ZNHIT6: variants seen among roughly 807,000 people sequenced by gnomAD.
The protein encoded by ZNHIT6 is box C/D snoRNA protein 1.
Under a neutral mutation model 57.2 loss-of-function variants are expected in ZNHIT6, and 45 were observed. The ratio of observed to expected loss-of-function variants is 0.79; its 90% CI spans 0.62 to 1.01. The LOEUF (loss-of-function observed/expected upper bound fraction) is 1.01. Among genes scored for constraint, ZNHIT6 ranks in the 50% least tolerant of loss-of-function variants. The pLI is 0.00. For missense variants in ZNHIT6, 528 were observed against 567.3 expected (o/e 0.93, Z 0.70); for synonymous variants, 188 against 190.0 (o/e 0.99, Z 0.09).
At chr1:85,680,757 G>T in intron 6 of ZNHIT6, 79 bp downstream of exon 6, 4 of 1,070,754 alleles carry the variant, frequency 3.7e-6, no homozygotes, top group Middle Eastern at 2.1e-4. Flanking sequence ...TTCTACTACT[G>T]ACATTAAGTT....
chr1:85,672,145 C>T (rs1219099382), intron 8 of ZNHIT6, among the ~76,000 whole-genome samples: 1 of 152,152 alleles, frequency 6.6e-6, no homozygotes, highest in Non-Finnish European at 1.5e-5. Context: ...GATGCCACCC[C>T]TACATGAAAC....
At chr1:85,703,674 G>A (rs1662601625) in intron 4 of ZNHIT6, among the ~76,000 whole-genome samples, 1 of 152,120 alleles carries the variant, frequency 6.6e-6, no homozygotes, top group African/African-American at 2.4e-5. Flanking sequence ...ACAGTATAAA[G>A]CTTTTAGGCA....
At chr1:85,676,642 A>C (rs1017094567) in intron 8 of ZNHIT6, among the ~76,000 whole-genome samples, 1 of 152,198 alleles carries the variant, frequency 6.6e-6, no homozygotes, top group Non-Finnish European at 1.5e-5. Context: ...GGGAGGCCTG[A>C]GGAGAGTGAG....
intron 5 of ZNHIT6, among the ~76,000 whole-genome samples, chr1:85,686,492 A>C (rs1399242365): frequency 6.6e-6 from 1 of 152,188 alleles, no homozygotes. Context: ...CAAAGAATGA[A>C]GATTTCTAAT....
rs749136808 is a variant in ZNHIT6 at position 85,706,255 on chromosome 1, G to C, written c.823C>G (p.Leu275Val). The C allele has an allele frequency of 2.5e-6, 4 of 1,610,944 alleles. No homozygotes were observed. Among genetic ancestry groups the C allele is most frequent in the Admixed American group, 3.3e-5 (2 of 59,814 alleles). The change falls in exon 3 of 10, where the codon CTA becomes GTA. Residue 275 changes from leucine (L) to valine (V), a missense_variant. By Grantham distance (32) the Leu-to-Val change is conservative. Transcript: ENST00000370574. ...TATGCATAAAGTGGCTTACCACTTA[G>C]GAGATTCATTTCAGTAAACTGTTGT... ...SIQQFTEMNLLSDYRFLEDVA... is the reference protein window; with the variant it reads ...SIQQFTEMNLVSDYRFLEDVA...
intron 5 of ZNHIT6, among the ~76,000 whole-genome samples, chr1:85,687,020 A>C (rs564246854): frequency 6.6e-6 from 1 of 152,050 alleles, no homozygotes; most frequent in Admixed American, 6.6e-5. Flanking sequence ...CTGTAATCCC[A>C]GCACTTTGGG....
At chr1:85,654,186 T>A in intron 9 of ZNHIT6, 88 bp from the exon 10 acceptor site, 1 of 1,164,222 alleles carries the variant, frequency 8.6e-7, no homozygotes, top group Non-Finnish European at 1.2e-6. Context: ...CCTTCTGATG[T>A]ACAGCAAAAG....
chr1:85,656,845 A>C (rs751808906), intron 9 of ZNHIT6, among the ~76,000 whole-genome samples: 2 of 152,118 alleles, frequency 1.3e-5, no homozygotes, highest in Non-Finnish European at 2.9e-5. Flanking sequence ...TAATTTTTGC[A>C]AAGAAAAAAC....
chr1:85,687,043 G>A lies in ZNHIT6; in HGVS notation c.1020-6139C>T, dbSNP rs550172422. On this transcript the variant is annotated intron_variant, in intron 5 of 9. Coordinates refer to ENST00000370574, the MANE Select transcript of ZNHIT6 (RefSeq NM_017953.4). Reference sequence around the variant, plus strand: ...CCAGCACTTTGGGAGGCCGAGATGGGTGGATCACTTGAGGTCAGGAGTTCG... The same window carrying A: ...CCAGCACTTTGGGAGGCCGAGATGGATGGATCACTTGAGGTCAGGAGTTCG... Among the ~76,000 whole-genome samples the A allele has an allele frequency of 5.9e-5, 9 of 151,770 alleles. No homozygotes were observed. In the South Asian group the frequency reaches 1.9e-3, roughly 32 times the overall value.
intron 5 of ZNHIT6, among the ~76,000 whole-genome samples, chr1:85,681,756 G>C (rs1246558223): frequency 6.6e-6 from 1 of 152,070 alleles, no homozygotes; most frequent in African/African-American, 2.4e-5. Context: ...ATTTCTGTCA[G>C]AAGACAAAGA....
Position 85,705,943 on chromosome 1 carries a change from C to T in ZNHIT6, c.915+135G>A. 4.1e-6 allele frequency: 3 copies of T among 728,098 alleles called. No individual in the cohort carries two copies. The South Asian group carries it at 6.2e-5, about 15-fold the overall frequency. 45.1% of individuals were successfully genotyped at this position (728,098 alleles called of 1,614,324 possible). A position where few individuals can be genotyped will look rare whatever the true frequency, so the allele number is the denominator to read the frequency against. On this transcript the variant is annotated intron_variant, in intron 4 of 9. Transcript: ENST00000370574. ...GAGGGGACGGACTTTGTTTGGGTCA[C>T]AGCCATATCCTTAAGTAATCAGAAT...
rs1431858204 is a variant in ZNHIT6 at position 85,707,967 on chromosome 1, C to T, written c.318G>A (p.Glu106=). 3.1e-6 allele frequency: 5 copies of T among 1,614,050 alleles called. No individual in the cohort carries two copies. In the African/African-American group the frequency reaches 4.0e-5, roughly 13 times the overall value. The change falls in exon 1 of 10, where the codon GAG becomes GAA. Residue 106 remains glutamate, a synonymous_variant. Transcript: ENST00000370574. The part of the protein sequence containing the change: ...WVEQEVEDRP[E]VKDENAGVLE... Reference sequence around the variant, plus strand: ...ATACGCCTGCGTTCTCATCCTTCACCTCAGGCCTATCCTCCACCTCCTGTT... The same window carrying T: ...ATACGCCTGCGTTCTCATCCTTCACTTCAGGCCTATCCTCCACCTCCTGTT...
At chr1:85,684,580 G>A (rs1364784352) in intron 5 of ZNHIT6, among the ~76,000 whole-genome samples, 1 of 152,094 alleles carries the variant, frequency 6.6e-6, no homozygotes, top group African/African-American at 2.4e-5. Context: ...ATACTTAGAT[G>A]GCACTTGTAT....
At chr1:85,667,961 A>AAAAAAAAATATATAT in intron 8 of ZNHIT6, among the ~76,000 whole-genome samples, 1 of 18,200 alleles carries the variant, frequency 5.5e-5, no homozygotes, top group Admixed American at 6.8e-4. Context: ...AAAAAAAAAA[A>AAAAAAAAATATATAT]ATATATATAT....
At chr1:85,700,260 G>A (rs1368674383) in intron 5 of ZNHIT6, among the ~76,000 whole-genome samples, 2 of 152,004 alleles carry the variant, frequency 1.3e-5, no homozygotes, top group Admixed American at 1.3e-4. Flanking sequence ...ACACTAAAAG[G>A]CCACAACTCT....
rs1660902337 is a variant in ZNHIT6 at position 85,651,330 on chromosome 1, A to T, written c.*2728T>A. On this transcript the variant is annotated 3_prime_UTR_variant, in exon 10 of 10. Transcript: ENST00000370574. ...TCAGCTCACTGCAAACTCTGCCACCAGGGTTCAAGTGATTCTCGTGCCCCA... is the reference window on the plus strand; with the variant it reads ...TCAGCTCACTGCAAACTCTGCCACCTGGGTTCAAGTGATTCTCGTGCCCCA... The T allele has an allele frequency of 6.6e-6, 1 of 151,976 alleles. No homozygotes were observed. The allele number at this position is 151,976 out of a possible 1,614,324, so 9.4% of individuals were successfully genotyped here.
chr1:85,682,288 T>G (rs949161791), intron 5 of ZNHIT6, among the ~76,000 whole-genome samples: 31 of 151,352 alleles, frequency 2.0e-4, no homozygotes, highest in Non-Finnish European at 3.7e-4. Flanking sequence ...CCTCCCAAAG[T>G]GCTGGGATTA....
chr1:85,685,727 T>A (rs1040986697), intron 5 of ZNHIT6, among the ~76,000 whole-genome samples: 4 of 152,024 alleles, frequency 2.6e-5, no homozygotes, highest in Non-Finnish European at 5.9e-5. Context: ...GCTGGCTGTA[T>A]TTTTGAATTT....
In ZNHIT6 at chr1:85,651,980, A is replaced by G. The variant is rs750080417; in HGVS notation, c.*2078T>C. On this transcript the variant is annotated 3_prime_UTR_variant, in exon 10 of 10. Coordinates refer to ENST00000370574, the MANE Select transcript of ZNHIT6 (RefSeq NM_017953.4). ...TATTTAGGGGAATTCTAAGAGTTAT[A>G]TTCTTTCCTAATAGCCTATAATTGA... The G allele has an allele frequency of 3.3e-5, 5 of 152,254 alleles. No homozygotes were observed. Among genetic ancestry groups the G allele is most frequent in the Non-Finnish European group, 7.3e-5 (5 of 68,042 alleles). The allele number at this position is 152,254 out of a possible 1,614,324, so 9.4% of individuals were successfully genotyped here. A position where few individuals can be genotyped will look rare whatever the true frequency, so the allele number is the denominator to read the frequency against.
Sources: gnomAD v4.1 joint callset for allele counts (sites outside exome capture counted in the v4.1 genomes callset) on GRCh38, gnomAD v4.1.1 for gene constraint, MANE v1.5 for transcripts, NCBI Gene and HGNC (gene_info 2026-07-23, HGNC 2026-07-21) for gene names.